ABHD12: variants seen among roughly 807,000 people sequenced by gnomAD.
The protein encoded by ABHD12 is lysophosphatidylserine lipase ABHD12.
A neutral mutation model predicts 58.3 loss-of-function variants in ABHD12; 43 were observed. The observed-to-expected ratio is 0.74, with a 90% CI of 0.58 to 0.95. The LOEUF is 0.95. Ranked by LOEUF, ABHD12 falls within the 40% of genes least tolerant of loss-of-function variation. The pLI is 0.00. For synonymous variants in ABHD12, 219 were observed against 211.2 expected (o/e 1.04, Z -0.32); for missense variants, 539 against 537.2 (o/e 1.00, Z -0.03).
At chr20:25,322,382 T>TATATATATATATATATATATATATATATA (rs1491359839) in intron 3 of ABHD12, among the ~76,000 whole-genome samples, 6 of 38,254 alleles carry the variant, frequency 1.6e-4, no homozygotes, top group Admixed American at 3.1e-4. Flanking sequence ...TATATATATA[T>TATATATATATATATATATATATATATATA]TTTTTTTTTT....
intron 2 of ABHD12, among the ~76,000 whole-genome samples, chr20:25,332,538 T>C (rs1048130299): frequency 1.1e-4 from 16 of 151,720 alleles, no homozygotes; most frequent in Non-Finnish European, 1.2e-4. Context: ...TATTCCAAAA[T>C]TGACCACATC....
At chr20:25,352,281 C>T (rs1190082535) in intron 1 of ABHD12, among the ~76,000 whole-genome samples, 2 of 151,086 alleles carry the variant, frequency 1.3e-5, no homozygotes, top group Middle Eastern at 3.5e-3. Context: ...CATGAGCCAC[C>T]GCACCTGGCC....
At chr20:25,301,513 G>A (rs547797785) in intron 12 of ABHD12, among the ~76,000 whole-genome samples, 2 of 152,332 alleles carry the variant, frequency 1.3e-5, no homozygotes, top group East Asian at 1.9e-4. Context: ...TGCCCTCCTC[G>A]GCTCAGAAGC....
chr20:25,329,264 G>A (rs192323991), intron 2 of ABHD12, among the ~76,000 whole-genome samples: 66 of 152,310 alleles, frequency 4.3e-4, no homozygotes, highest in East Asian at 1.4e-3. Context: ...TGGGCGGTGC[G>A]CCCCTTCATG....
At chr20:25,337,845 A>G (rs1444898211) in intron 2 of ABHD12, among the ~76,000 whole-genome samples, 2 of 152,332 alleles carry the variant, frequency 1.3e-5, no homozygotes, top group Admixed American at 6.5e-5. Context: ...GTATACTGTT[A>G]GTTTCTTTTT....
At chr20:25,298,677 G>C (rs1001126346), downstream of ABHD12, among the ~76,000 whole-genome samples, 5 of 152,238 alleles carry the variant, frequency 3.3e-5, no homozygotes, top group African/African-American at 7.2e-5. Context: ...CTTTGCACCT[G>C]CAACTTTTGT....
downstream of ABHD12, chr20:25,296,539 C>G (rs745519628): frequency 8.1e-6 from 13 of 1,595,882 alleles, no homozygotes; most frequent in South Asian, 1.3e-4. Context: ...CCTGCCTTGG[C>G]GGGACCAGCG....
At chr20:25,376,589 C>T (rs2146121086) in intron 1 of ABHD12, among the ~76,000 whole-genome samples, 1 of 152,334 alleles carries the variant, frequency 6.6e-6, no homozygotes, top group East Asian at 1.9e-4. Context: ...GTGCTTTACA[C>T]ACAGCCACAT....
chr20:25,301,704 C>T (rs1242833308), intron 12 of ABHD12, among the ~76,000 whole-genome samples: 1 of 152,262 alleles, frequency 6.6e-6, no homozygotes, highest in Non-Finnish European at 1.5e-5. Flanking sequence ...CTTGTCACTA[C>T]TGCCAAGGCC....
At chr20:25,368,361 T>C in intron 1 of ABHD12, 1 of 1,561,208 alleles carries the variant, frequency 6.4e-7, no homozygotes. Flanking sequence ...TCCACAATAT[T>C]CTTGCCTTCT....
chr20:25,345,977 A>G (rs1055266250), intron 1 of ABHD12, among the ~76,000 whole-genome samples: 2 of 152,146 alleles, frequency 1.3e-5, no homozygotes, highest in Non-Finnish European at 1.5e-5. Context: ...CCACACAAAA[A>G]CTTGTAAACA....
rs2274890 is a variant in ABHD12 at position 25,320,386 on chromosome 20, G to A, written c.423-68C>T. 415,980 of 1,600,530 alleles carry A rather than the reference G, an allele frequency of 0.26. 58,166 individuals are homozygous for A. Among genetic ancestry groups the A allele is most frequent in the East Asian group, 0.58 (26,084 of 44,824 alleles). Reference sequence around the variant, plus strand: ...TCTGTCCTCATCCTGGCGACTGCACGTGGTGTTACTTAATCAGCTCAAGTC... The same window carrying A: ...TCTGTCCTCATCCTGGCGACTGCACATGGTGTTACTTAATCAGCTCAAGTC... On this transcript the variant is annotated intron_variant, in intron 3 of 12. Transcript: ENST00000339157.
chr20:25,296,827 C>T (rs2088554460), downstream of ABHD12: 1 of 385,472 alleles, frequency 2.6e-6, no homozygotes, highest in South Asian at 3.0e-5. Flanking sequence ...CTGCTGGGCT[C>T]CCCCAGAACT....
At chr20:25,313,578 A>AAAAATAAAAT (rs56792874) in intron 6 of ABHD12, among the ~76,000 whole-genome samples, 34,477 of 131,328 alleles carry the variant, frequency 0.26, 5,038 homozygotes, top group East Asian at 0.38. Context: ...AATGATCAAT[A>AAAAATAAAAT]AAAATAAAAT....
intron 1 of ABHD12, among the ~76,000 whole-genome samples, chr20:25,355,566 G>A (rs1386643662): frequency 1.3e-5 from 2 of 150,758 alleles, no homozygotes; most frequent in Non-Finnish European, 3.0e-5. Context: ...TTTTTTTGTT[G>A]TTTGTTTGTT....
chr20:25,346,091 A>C (rs1400321819), intron 1 of ABHD12, among the ~76,000 whole-genome samples: 1 of 152,210 alleles, frequency 6.6e-6, no homozygotes, highest in Non-Finnish European at 1.5e-5. Context: ...GTGAATAAAT[A>C]AACTGGTACA....
chr20:25,376,201 A>C lies in ABHD12; in HGVS notation c.191+14312T>G, dbSNP rs760639620. Among the ~76,000 whole-genome samples, 17 of 152,356 alleles carry C rather than the reference A, an allele frequency of 1.1e-4. 1 individual carries two copies. The highest frequency in any genetic ancestry group is 3.4e-3 in the Middle Eastern group (1 of 294). ...ATTAATGTAACCATCAAAATTGTTG[A>C]GGAAAAGTGTTTTATCATTTAATTC... On this transcript the variant is annotated intron_variant, in intron 1 of 12. Transcript: ENST00000339157.
chr20:25,298,959 C>G (rs754803170), downstream of ABHD12, among the ~76,000 whole-genome samples: 2 of 152,204 alleles, frequency 1.3e-5, no homozygotes, highest in African/African-American at 2.4e-5. Flanking sequence ...CTGTGGGGTG[C>G]CCTCCCAGGG....
At chr20:25,382,701 AAGATAC>A (rs1164355469) in intron 1 of ABHD12, among the ~76,000 whole-genome samples, 2 of 152,068 alleles carry the variant, frequency 1.3e-5, no homozygotes, top group Non-Finnish European at 1.5e-5. Flanking sequence ...AGCCTGCCCA[AAGATAC>A]CCCTCACAGT....
Sources: gnomAD v4.1 joint callset for allele counts (sites outside exome capture counted in the v4.1 genomes callset) on GRCh38, gnomAD v4.1.1 for gene constraint, MANE v1.5 for transcripts, NCBI Gene and HGNC (gene_info 2026-07-23, HGNC 2026-07-21) for gene names.